The following PDE1C variants were observed in gnomAD, a reference collection of about 807,000 sequenced individuals.
PDE1C encodes dual specificity calcium/calmodulin-dependent 3',5'-cyclic nucleotide phosphodiesterase 1C.
Under a neutral mutation model 93.1 loss-of-function variants are expected in PDE1C, and 62 were observed. That is an observed-to-expected ratio of 0.67 (90% confidence interval 0.54 to 0.82). The LOEUF (loss-of-function observed/expected upper bound fraction) is 0.82, where lower values mean the gene tolerates loss of function less well. Among genes scored for constraint, PDE1C ranks in the 40% least tolerant of loss-of-function variants. The pLI, the probability that PDE1C is intolerant of heterozygous loss-of-function variation, is 0.00. For synonymous variants in PDE1C, 325 were observed against 310.1 expected (o/e 1.05, Z -0.50); for missense variants, 742 against 884.6 (o/e 0.84, Z 2.04).
intron 2 of PDE1C, among the ~76,000 whole-genome samples, chr7:32,206,654 G>T (rs767925830): frequency 1.3e-5 from 2 of 152,142 alleles, no homozygotes; most frequent in Non-Finnish European, 2.9e-5. Context: ...ACCCACATGG[G>T]GTACTTTCCA....
At chr7:32,205,777 G>A (rs979104909) in intron 2 of PDE1C, among the ~76,000 whole-genome samples, 7 of 152,156 alleles carry the variant, frequency 4.6e-5, no homozygotes, top group South Asian at 2.1e-4. Context: ...CAACCCCAAG[G>A]AAAACAACTC....
intron 1 of PDE1C, among the ~76,000 whole-genome samples, chr7:32,315,743 C>T (rs2128905729): frequency 6.6e-6 from 1 of 152,286 alleles, no homozygotes; most frequent in East Asian, 1.9e-4. Context: ...CGCCTGTAAT[C>T]CCAGCACTTT....
chr7:32,286,417 AG>A (rs1310165514), intron 1 of PDE1C, among the ~76,000 whole-genome samples: 4 of 152,268 alleles, frequency 2.6e-5, no homozygotes, highest in Non-Finnish European at 5.9e-5. Context: ...GTGCTTACAA[AG>A]CCCTTAGAAG....
chr7:31,792,038 GTTCA>G (rs1359833300), intron 16 of PDE1C, among the ~76,000 whole-genome samples: 1 of 152,098 alleles, frequency 6.6e-6, no homozygotes, highest in Non-Finnish European at 1.5e-5. Flanking sequence ...CTGTGCCTGT[GTTCA>G]TTGTCATTAA....
chr7:32,428,207 T>A (rs763882566), upstream of PDE1C: 1 of 152,358 alleles, frequency 6.6e-6, no homozygotes, highest in African/African-American at 2.4e-5. Context: ...TGCCGAAGGC[T>A]TACTCCCTCC....
At chr7:32,275,555 C>A (rs571601470) in intron 1 of PDE1C, among the ~76,000 whole-genome samples, 1 of 152,164 alleles carries the variant, frequency 6.6e-6, no homozygotes, top group African/African-American at 2.4e-5. Context: ...CAAACAAATA[C>A]CAGCAGCAGG....
chr7:31,747,874 C>A (rs1438910158), downstream of PDE1C, among the ~76,000 whole-genome samples: 3 of 101,592 alleles, frequency 3.0e-5, no homozygotes, highest in African/African-American at 6.4e-5. Flanking sequence ...AAAAAAAAAT[C>A]AGTCTTGGGT....
chr7:32,187,562 A>G (rs914416105), intron 2 of PDE1C, among the ~76,000 whole-genome samples: 1 of 150,006 alleles, frequency 6.7e-6, no homozygotes, highest in African/African-American at 2.5e-5. Context: ...TTCTAATTTT[A>G]TGTCCAATAA....
chr7:31,858,628 TC>T (rs1304978174), intron 7 of PDE1C, among the ~76,000 whole-genome samples: 1 of 152,120 alleles, frequency 6.6e-6, no homozygotes, highest in Non-Finnish European at 1.5e-5. Flanking sequence ...TTTAAGAAAG[TC>T]TATATATAAG....
At chr7:31,951,152 C>T (rs1208998048) in intron 2 of PDE1C, among the ~76,000 whole-genome samples, 2 of 152,220 alleles carry the variant, frequency 1.3e-5, no homozygotes, top group African/African-American at 2.4e-5. Context: ...ATCCTACTCT[C>T]ATGACCTCAT....
At chr7:31,825,141 T>C (rs1171742974) in intron 12 of PDE1C, among the ~76,000 whole-genome samples, 154 bp from the exon 13 acceptor site, 1 of 152,202 alleles carries the variant, frequency 6.6e-6, no homozygotes, top group African/African-American at 2.4e-5. Context: ...GAATATTACA[T>C]GTCAGTTTCA....
At chr7:31,835,498 A>G (rs531717967) in intron 11 of PDE1C, among the ~76,000 whole-genome samples, 1 of 149,578 alleles carries the variant, frequency 6.7e-6, no homozygotes, top group South Asian at 2.2e-4. Flanking sequence ...CTGTTGACAT[A>G]CACATATAAT....
At chr7:32,350,569 TATATATATATATATA>T (rs1783945512) in intron 1 of PDE1C, among the ~76,000 whole-genome samples, 1 of 2,698 alleles carries the variant, frequency 3.7e-4, no homozygotes, top group Admixed American at 0.02. Flanking sequence ...TATATATATA[TATATATATATATATA>T]TATATATTTT....
chr7:31,960,031 A>ATT lies in PDE1C; in HGVS notation c.129-79173_129-79172dup, dbSNP rs34144960. ...CAAGCGCCCACCATCACGCACAGCT[A>ATT]TTTTTTTTTTGTATTGTTAGTAGAG... On this transcript the variant is annotated intron_variant, in intron 2 of 17. Transcript: ENST00000396191. 7.7e-4 allele frequency among the ~76,000 whole-genome samples: 115 copies of ATT among 148,958 alleles called. No homozygotes were observed. In the South Asian group the frequency reaches 0.011, roughly 14 times the overall value.
At chr7:31,910,584 T>C (rs996493155) in intron 2 of PDE1C, among the ~76,000 whole-genome samples, 12 of 152,232 alleles carry the variant, frequency 7.9e-5, no homozygotes, top group African/African-American at 2.9e-4. Context: ...ATGATTTGAC[T>C]GTAATAGGTT....
the PDE1C span, among the ~76,000 whole-genome samples, chr7:31,679,061 C>G: frequency 6.6e-6 from 1 of 152,190 alleles, no homozygotes; most frequent in Non-Finnish European, 1.5e-5. Flanking sequence ...AACCTATAAT[C>G]TAGTAAAAAC....
At chr7:31,721,712 G>A in the PDE1C span, among the ~76,000 whole-genome samples, 1 of 152,318 alleles carries the variant, frequency 6.6e-6, no homozygotes, top group Admixed American at 6.5e-5. Flanking sequence ...ACTTGGACAC[G>A]CTGTCATCAG....
intron 5 of PDE1C, among the ~76,000 whole-genome samples, chr7:31,874,475 A>C (rs1796306644): frequency 6.6e-6 from 1 of 152,236 alleles, no homozygotes; most frequent in Admixed American, 6.5e-5. Context: ...ACACTGGCAG[A>C]GACCTTGGTT....
chr7:31,744,727 G>C, the PDE1C span, among the ~76,000 whole-genome samples: 1 of 152,152 alleles, frequency 6.6e-6, no homozygotes, highest in African/African-American at 2.4e-5. Flanking sequence ...AAACACAACT[G>C]TGCTATCTAA....
Sources: allele counts gnomAD v4.1 joint callset (sites outside exome capture counted in the v4.1 genomes callset), GRCh38; gene constraint gnomAD v4.1.1; transcripts MANE v1.5; gene names NCBI Gene and HGNC (gene_info 2026-07-23, HGNC 2026-07-21).